CNTN6: variants seen among roughly 807,000 people sequenced by gnomAD.
CNTN6 encodes the protein contactin-6.
A neutral mutation model predicts 122.8 loss-of-function variants in CNTN6; 137 were observed. That is an observed-to-expected ratio of 1.12 (90% CI 0.97 to 1.29). The LOEUF (loss-of-function observed/expected upper bound fraction) is 1.29, where lower values mean the gene tolerates loss of function less well. CNTN6 is among the 50% of genes most tolerant of loss of function. CNTN6 has a pLI of 0.00. For missense variants in CNTN6, 1,634 were observed against 1,223.4 expected (o/e 1.34, Z -5.01); for synonymous variants, 570 against 426.0 (o/e 1.34, Z -4.16).
intron 5 of CNTN6, among the ~76,000 whole-genome samples, chr3:1,285,171 T>G (rs775336982): frequency 6.6e-6 from 1 of 152,214 alleles, no homozygotes; most frequent in East Asian, 1.9e-4. Flanking sequence ...GACAGATAGA[T>G]AATTACCAGT....
intron 4 of CNTN6, among the ~76,000 whole-genome samples, chr3:1,254,681 A>G (rs984461259): frequency 6.6e-6 from 1 of 152,216 alleles, no homozygotes; most frequent in Non-Finnish European, 1.5e-5. Flanking sequence ...AAATAGTCTG[A>G]GGAGACTCTG....
At chr3:1,304,727 C>T (rs750502007) in intron 7 of CNTN6, among the ~76,000 whole-genome samples, 2 of 152,058 alleles carry the variant, frequency 1.3e-5, no homozygotes, top group African/African-American at 2.4e-5. Flanking sequence ...GGCGCAGTGG[C>T]TCACGCCTGT....
At chr3:1,387,782 A>G (rs1051778922) in intron 20 of CNTN6, among the ~76,000 whole-genome samples, 59 of 152,242 alleles carry the variant, frequency 3.9e-4, no homozygotes, top group Non-Finnish European at 4.1e-4. Flanking sequence ...TCCCTTTCCA[A>G]GTCAAAGAAA....
chr3:1,254,216 C>T (rs920892989), intron 4 of CNTN6, among the ~76,000 whole-genome samples: 7 of 152,004 alleles, frequency 4.6e-5, no homozygotes, highest in African/African-American at 1.2e-4. Context: ...CAGAAGTAAC[C>T]GCTTTCCTGA....
At chr3:1,178,895 T>A (rs545089588) in intron 2 of CNTN6, among the ~76,000 whole-genome samples, 10 of 152,222 alleles carry the variant, frequency 6.6e-5, no homozygotes, top group African/African-American at 2.4e-4. Context: ...GGTAATCTCT[T>A]CACACTGCAA....
chr3:1,360,695 A>T lies in CNTN6; in HGVS notation c.1492+8244A>T, dbSNP rs531241189. Among the ~76,000 whole-genome samples the T allele has an allele frequency of 1.1e-4, 16 of 151,956 alleles. No individual in the cohort carries two copies. The South Asian group carries it at 3.3e-3, about 32-fold the overall frequency. ...TTTTATGTTTCTAAATATTATCTAT[A>T]AGTTAATTCCCAAACTCAAATCAAG... On this transcript the variant is annotated intron_variant, in intron 12 of 22. Transcript: ENST00000446702.
chr3:1,228,742 G>A (rs958331682), intron 4 of CNTN6, among the ~76,000 whole-genome samples: 8 of 152,116 alleles, frequency 5.3e-5, no homozygotes, highest in Non-Finnish European at 8.8e-5. Flanking sequence ...ACCAAAAAGT[G>A]AGCTGCTATA....
At chr3:1,198,853 C>T (rs1283648457) in intron 2 of CNTN6, among the ~76,000 whole-genome samples, 4 of 152,138 alleles carry the variant, frequency 2.6e-5, no homozygotes, top group Non-Finnish European at 5.9e-5. Context: ...ACAGAGTCTT[C>T]GCATATGTAA....
At chr3:1,273,588 A>C (rs1691773674) in intron 4 of CNTN6, among the ~76,000 whole-genome samples, 1 of 152,214 alleles carries the variant, frequency 6.6e-6, no homozygotes, top group Admixed American at 6.5e-5. Context: ...ATGAGATGGT[A>C]CATAGTTTAA....
chr3:1,321,536 A>G, intron 7 of CNTN6, 114 bp from the exon 8 acceptor site: 1 of 950,526 alleles, frequency 1.1e-6, no homozygotes, highest in Admixed American at 2.5e-5. Flanking sequence ...TAGTCATAAT[A>G]CAACAGATTG....
At chr3:1,346,811 G>A (rs1391766926) in intron 11 of CNTN6, among the ~76,000 whole-genome samples, 1 of 152,124 alleles carries the variant, frequency 6.6e-6, no homozygotes, top group African/African-American at 2.4e-5. Context: ...TGCACATGCT[G>A]CGGGTAAAGA....
intron 19 of CNTN6, 80 bp downstream of exon 19, chr3:1,383,488 A>T: frequency 9.8e-7 from 1 of 1,024,432 alleles, no homozygotes; most frequent in Non-Finnish European, 1.5e-6. Context: ...GTCCTATCCT[A>T]CTAGCCTGTT....
intron 1 of CNTN6, among the ~76,000 whole-genome samples, chr3:1,110,050 T>A (rs1453356346): frequency 6.6e-6 from 1 of 152,124 alleles, no homozygotes; most frequent in African/African-American, 2.4e-5. Context: ...TTTGCTTGAA[T>A]ATTTTACATG....
At position 1,385,777 on chromosome 3, in the gene CNTN6, A is replaced by G. The variant is rs150922550; in HGVS notation, c.2684A>G (p.Asn895Ser). The G allele has an allele frequency of 4.5e-5, 73 of 1,610,468 alleles. No homozygotes were observed. Among genetic ancestry groups the G allele is most frequent in the South Asian group, 9.9e-5 (9 of 90,588 alleles). The change falls in exon 20 of 23, where the codon AAT becomes AGT. Residue 895 changes from asparagine to serine, a missense_variant. Asn to Ser is a conservative substitution (Grantham distance 46). Transcript: ENST00000446702. ...AGTGPSSPPVNVTTKKSPPSQ... is the reference protein window; with the variant it reads ...AGTGPSSPPVSVTTKKSPPSQ... ...ACAGGGCCCTCAAGCCCCCCAGTCA[A>G]TGTTACCACCAAAAAGTCTCGTAAG...
At chr3:1,300,471 GGAAGGAAGGAAGGAAGGAAGGA>G (rs1327476392) in intron 7 of CNTN6, among the ~76,000 whole-genome samples, 78 of 135,890 alleles carry the variant, frequency 5.7e-4, no homozygotes, top group African/African-American at 2.4e-3. Context: ...AAGGAAGGAA[GGAAGGAAGGAAGGAAGGAAGGA>G]AAAAGAAAAG....
chr3:1,387,671 G>A (rs149333850), intron 20 of CNTN6, among the ~76,000 whole-genome samples: 4,983 of 152,270 alleles, frequency 0.033, 117 homozygotes, highest in South Asian at 0.056. Context: ...TCACTAGGGG[G>A]TGCCAGACAG....
chr3:1,261,479 C>T lies in CNTN6; in HGVS notation c.359-16934C>T, dbSNP rs934609827. On this transcript the variant is annotated intron_variant, in intron 4 of 22. Coordinates refer to ENST00000446702, the MANE Select transcript of CNTN6 (RefSeq NM_001289080.2). ...AACTGGGACATTTACTCATTACCTT[C>T]TGTACCTCATTGGTTAAGGATCAGT... Among the ~76,000 whole-genome samples, 8 of 152,248 alleles carry T rather than the reference C, an allele frequency of 5.3e-5. No homozygotes were observed. In the East Asian group the frequency reaches 7.8e-4, roughly 15 times the overall value.
At chr3:1,364,647 T>C (rs1045762428) in intron 12 of CNTN6, among the ~76,000 whole-genome samples, 1 of 151,926 alleles carries the variant, frequency 6.6e-6, no homozygotes, top group Non-Finnish European at 1.5e-5. Context: ...GCCATTGATA[T>C]AGAGAAGCAG....
At chr3:1,297,343 A>C (rs1169831703) in intron 6 of CNTN6, among the ~76,000 whole-genome samples, 1 of 152,158 alleles carries the variant, frequency 6.6e-6, no homozygotes, top group Non-Finnish European at 1.5e-5. Flanking sequence ...TTTCTGTTAC[A>C]ACTCCTCTGG....
Sources: gnomAD v4.1 joint callset for allele counts (sites outside exome capture counted in the v4.1 genomes callset) on GRCh38, gnomAD v4.1.1 for gene constraint, MANE v1.5 for transcripts, NCBI Gene and HGNC (gene_info 2026-07-23, HGNC 2026-07-21) for gene names.